XKR8: variants seen among roughly 807,000 people sequenced by gnomAD.
The protein encoded by XKR8 is XK related 8.
XKR8 carries 10 observed loss-of-function variants against 17.1 expected under a neutral mutation model. The observed-to-expected ratio is 0.59, with a 90% CI of 0.36 to 0.99. The LOEUF (loss-of-function observed/expected upper bound fraction) is 0.99, where lower values mean the gene tolerates loss of function less well. Ranked by LOEUF, XKR8 falls within the 50% of genes least tolerant of loss-of-function variation. The pLI is 0.01. For synonymous variants in XKR8, 213 were observed against 251.9 expected, an observed-to-expected ratio of 0.85 and a Z score of 1.46; for missense variants, 411 against 515.6, an observed-to-expected ratio of 0.80 and a Z score of 1.96.
intron 1 of XKR8, among the ~76,000 whole-genome samples, chr1:27,963,006 G>A (rs932540155): frequency 6.6e-6 from 1 of 152,136 alleles, no homozygotes; most frequent in Non-Finnish European, 1.5e-5. Flanking sequence ...GGAGTAGAAG[G>A]TGTATTGATC....
rs746237790 is a variant in XKR8, at chr1:27,966,915, C to T, written c.903C>T (p.Ala301=). The T allele has an allele frequency of 6.2e-7, 1 of 1,614,206 alleles. No individual in the cohort carries two copies. Among genetic ancestry groups the T allele is most frequent in the Non-Finnish European group, 8.5e-7 (1 of 1,180,038 alleles). ...FLLSDSILLV[A]TWVTHSSWLP... ...TGAGTGACAGCATTCTCCTGGTGGC[C>T]ACCTGGGTGACTCATAGCTCCTGGC... Residue 301 remains alanine, a synonymous_variant, in exon 3 of 3, where the codon GCC becomes GCT. Transcript: ENST00000373884. This position sits in a 1 kb window ranked among gnomAD's most constrained non-coding sequence, Gnocchi z 4.3.
At chr1:27,963,928 G>A (rs1442118411) in intron 2 of XKR8, among the ~76,000 whole-genome samples, 1 of 152,128 alleles carries the variant, frequency 6.6e-6, no homozygotes, top group Non-Finnish European at 1.5e-5. Flanking sequence ...AAATCCTCCT[G>A]CCTCATAAGG....
intron 1 of XKR8, among the ~76,000 whole-genome samples, chr1:27,962,117 T>C (rs758373144): frequency 6.6e-6 from 1 of 152,188 alleles, no homozygotes; most frequent in African/African-American, 2.4e-5. Context: ...AAGAGGCAAA[T>C]GTCCTCTTGC....
At position 27,966,196 on chromosome 1, in the gene XKR8, G is replaced by C. The variant is rs959785018; in HGVS notation, c.491-307G>C. On this transcript the variant is annotated intron_variant, in intron 2 of 2. Transcript: ENST00000373884. The surrounding 1 kb of genome is among the most constrained non-coding windows in gnomAD (Gnocchi z 4.3). ...GGAAGATGCCCAGGATGCAGCCAAG[G>C]CCCAGGGGTGCTGAGTGCTGGGTGG... Among the ~76,000 whole-genome samples, 3 of 152,132 alleles carry C rather than the reference G, an allele frequency of 2.0e-5. No homozygotes were observed. The highest frequency in any genetic ancestry group is 7.2e-5 in the African/African-American group (3 of 41,420).
In XKR8 at chr1:27,963,541, A is replaced by G. The variant is rs769471394; in HGVS notation, c.338A>G (p.Glu113Gly). 1 of 1,613,670 alleles carries G rather than the reference A, an allele frequency of 6.2e-7. No individual in the cohort carries two copies. The highest frequency in any genetic ancestry group is 8.5e-7 in the Non-Finnish European group (1 of 1,179,782). ...LRQGLLVWQQ[E>G]EPSEFDLAYA... ...CAGGGGCTGCTGGTGTGGCAGCAGG[A>G]GGAGCCCTCTGAGTTTGACTTGGCC... Residue 113 changes from glutamate to glycine, a missense_variant, in exon 2 of 3, where the codon GAG (glutamate) becomes GGG (glycine). Physicochemically the swap from Glu to Gly is moderately conservative, Grantham distance 98 (BLOSUM62 -2). Transcript: ENST00000373884.
rs1448695716 is a variant in XKR8, at chr1:27,967,763, C to G, written c.*563C>G. ...GCTACCAGCCTAGCTTCATCCGCTA[C>G]TTGCACCAACCAGTCCCGGGTTAGA... On this transcript the variant is annotated 3_prime_UTR_variant, in exon 3 of 3. Coordinates refer to ENST00000373884, the MANE Select transcript of XKR8 (RefSeq NM_018053.4). This position sits in a 1 kb window ranked among gnomAD's most constrained non-coding sequence, Gnocchi z 4.3. The G allele has an allele frequency of 6.6e-6, 1 of 152,592 alleles. No homozygotes were observed. Among genetic ancestry groups the G allele is most frequent in the Non-Finnish European group, 1.5e-5 (1 of 68,144 alleles). The allele number at this position is 152,592 out of a possible 1,614,324, so 9.5% of individuals were successfully genotyped here.
rs1459211523 is a variant in XKR8, at chr1:27,960,163, TG to T, written c.97del (p.Ala33ProfsTer169). 1 of 1,527,794 alleles carries T rather than the reference TG, an allele frequency of 6.5e-7. No homozygotes were observed. Among genetic ancestry groups the T allele is most frequent in the South Asian group, 1.2e-5 (1 of 82,908 alleles). The allele number at this position is 1,527,794 out of a possible 1,614,324, so 94.6% of individuals were successfully genotyped here. A position where few individuals can be genotyped will look rare whatever the true frequency, so the allele number is the denominator to read the frequency against. On this transcript the variant is annotated frameshift_variant, in exon 1 of 3. Transcript: ENST00000373884. LOFTEE classifies it high-confidence loss of function. This position sits in a 1 kb window ranked among gnomAD's most constrained non-coding sequence, Gnocchi z 5.9. ...CCTGCTCGACCTGGGCACCGACCTGTGGGCCGCCGTCCAGTATGCGCTCGGC... is the reference window on the plus strand; with the variant it reads ...CCTGCTCGACCTGGGCACCGACCTGTGGCCGCCGTCCAGTATGCGCTCGGC... The part of the protein sequence containing the change: ...AFLLDLGTDL[W>X]AAVQYALGGR...
In XKR8 at chr1:27,960,483, G is replaced by C; in HGVS notation, c.293+121G>C. On this transcript the variant is annotated intron_variant, in intron 1 of 2. Coordinates refer to ENST00000373884, the MANE Select transcript of XKR8 (RefSeq NM_018053.4). The surrounding 1 kb of genome is among the most constrained non-coding windows in gnomAD (Gnocchi z 5.9). ...GGACTGGGAGAGGGAACCAAGTCCT[G>C]TGGGCGCCTGGCCTACAGGTGAGCG... 1 of 1,046,906 alleles carries C rather than the reference G, an allele frequency of 9.6e-7. No homozygotes were observed. The highest frequency in any genetic ancestry group is 1.3e-6 in the Non-Finnish European group (1 of 791,886). 64.9% of individuals were successfully genotyped at this position (1,046,906 alleles called of 1,614,324 possible). A position where few individuals can be genotyped will look rare whatever the true frequency, so the allele number is the denominator to read the frequency against.
In XKR8 at chr1:27,967,485, T is replaced by G. The variant is rs1638601129; in HGVS notation, c.*285T>G. The G allele has an allele frequency of 4.0e-6, 1 of 248,210 alleles. No individual in the cohort carries two copies. The highest frequency in any genetic ancestry group is 7.8e-6 in the Non-Finnish European group (1 of 128,836). 15.4% of individuals were successfully genotyped at this position (248,210 alleles called of 1,614,324 possible). On this transcript the variant is annotated 3_prime_UTR_variant, in exon 3 of 3. Transcript: ENST00000373884. This position sits in a 1 kb window ranked among gnomAD's most constrained non-coding sequence, Gnocchi z 4.3. ...CTTTGGGAGGAAAGAAGACTACCTT[T>G]TCCCCCTGCCATTGGTATAGCTGGT...
chr1:27,960,313 C>T lies in XKR8; in HGVS notation c.244C>T (p.Arg82Cys), dbSNP rs1400526873. 7.7e-6 allele frequency: 11 copies of T among 1,433,184 alleles called. No individual in the cohort carries two copies. In the Admixed American group the frequency reaches 1.2e-4, roughly 15 times the overall value. 88.8% of individuals were successfully genotyped at this position (1,433,184 alleles called of 1,614,324 possible). A position where few individuals can be genotyped will look rare whatever the true frequency, so the allele number is the denominator to read the frequency against. Residue 82 changes from arginine (R) to cysteine (C), a missense_variant, in exon 1 of 3, where the codon CGC (arginine) becomes TGC (cysteine). Arg to Cys is a radical substitution (Grantham distance 180). Coordinates refer to ENST00000373884, the MANE Select transcript of XKR8 (RefSeq NM_018053.4). This position sits in a 1 kb window ranked among gnomAD's most constrained non-coding sequence, Gnocchi z 5.9. ...PAGLHGSQPP[R>C]RCLALLHLLQ... is the part of the protein sequence containing the mutation. ...CGGCCTGCACGGGTCGCAGCCCCCG[C>T]GCCGCTGCCTGGCGCTGCTGCATCT...
rs1039568931 is a variant in XKR8 at position 27,966,285 on chromosome 1, G to A, written c.491-218G>A. ...CCGGATAGCACCTACGCAGCAAAGC[G>A]CTGTGGTGAGGGGCAGGCTCTATAT... On this transcript the variant is annotated intron_variant, in intron 2 of 2. Transcript: ENST00000373884. The surrounding 1 kb of genome is among the most constrained non-coding windows in gnomAD (Gnocchi z 4.3). Among the ~76,000 whole-genome samples the A allele has an allele frequency of 3.9e-5, 6 of 152,156 alleles. No individual in the cohort carries two copies. Among genetic ancestry groups the A allele is most frequent in the African/African-American group, 1.2e-4 (5 of 41,426 alleles).
Position 27,966,299 on chromosome 1 carries a change from C to T in XKR8, c.491-204C>T, listed in dbSNP as rs574698009. Among the ~76,000 whole-genome samples, 3 of 152,274 alleles carry T rather than the reference C, an allele frequency of 2.0e-5. No individual in the cohort carries two copies. The South Asian group carries it at 6.2e-4, about 32-fold the overall frequency. ...CGCAGCAAAGCGCTGTGGTGAGGGG[C>T]AGGCTCTATATTAGGAGTCATAGCT... On this transcript the variant is annotated intron_variant, in intron 2 of 2. Transcript: ENST00000373884. The surrounding 1 kb of genome is among the most constrained non-coding windows in gnomAD (Gnocchi z 4.3).
chr1:27,967,152 G>T lies in XKR8; in HGVS notation c.1140G>T (p.Lys380Asn). The change falls in exon 3 of 3, where the codon AAG (lysine) becomes AAT (asparagine). Residue 380 changes from lysine (K) to asparagine (N), a missense_variant. Transcript: ENST00000373884. The surrounding 1 kb of genome is among the most constrained non-coding windows in gnomAD (Gnocchi z 4.3). Reference sequence around the variant, plus strand: ...GGCGCATGACCCATTTAGCACAGAAGTTTTTCCCCAAGGCTAAGGATGAGG... The same window carrying T: ...GGCGCATGACCCATTTAGCACAGAATTTTTTCCCCAAGGCTAAGGATGAGG... ...QNRRMTHLAQKFFPKAKDEAA... is the reference protein window; with the variant it reads ...QNRRMTHLAQNFFPKAKDEAA... The T allele has an allele frequency of 6.3e-7, 1 of 1,589,120 alleles. No individual in the cohort carries two copies. Among genetic ancestry groups the T allele is most frequent in the Non-Finnish European group, 8.6e-7 (1 of 1,165,720 alleles).
Position 27,965,847 on chromosome 1 carries a change from C to T in XKR8, c.491-656C>T, listed in dbSNP as rs1398138788. ...GCCACTTCCATCCCTCCCTGGAGGC[C>T]CTTGTGCTTCTGCTCCAGGATTGGC... On this transcript the variant is annotated intron_variant, in intron 2 of 2. Coordinates refer to ENST00000373884, the MANE Select transcript of XKR8 (RefSeq NM_018053.4). This position sits in a 1 kb window ranked among gnomAD's most constrained non-coding sequence, Gnocchi z 4.1. Among the ~76,000 whole-genome samples, 1 of 152,098 alleles carries T rather than the reference C, an allele frequency of 6.6e-6. No individual in the cohort carries two copies. The highest frequency in any genetic ancestry group is 1.5e-5 in the Non-Finnish European group (1 of 68,016).
intron 1 of XKR8, among the ~76,000 whole-genome samples, chr1:27,961,753 G>C (rs1220361791): frequency 1.3e-5 from 2 of 152,204 alleles, no homozygotes; most frequent in African/African-American, 4.8e-5. Flanking sequence ...TGTCCTGCCT[G>C]CCTGCTCCTC....
Position 27,967,237 on chromosome 1 carries a change from C to T in XKR8, c.*37C>T. ...CCTTTGAAGCAGGATCAGACCCAGC[C>T]AGCAGAGATGGAGAGTGACTCTGTT... On this transcript the variant is annotated 3_prime_UTR_variant, in exon 3 of 3. Coordinates refer to ENST00000373884, the MANE Select transcript of XKR8 (RefSeq NM_018053.4). The surrounding 1 kb of genome is among the most constrained non-coding windows in gnomAD (Gnocchi z 4.3). The T allele has an allele frequency of 4.0e-6, 6 of 1,518,084 alleles. No individual in the cohort carries two copies. Among genetic ancestry groups the T allele is most frequent in the Non-Finnish European group, 5.3e-6 (6 of 1,133,428 alleles). 94.0% of individuals were successfully genotyped at this position (1,518,084 alleles called of 1,614,324 possible).
chr1:27,960,452 G>C lies in XKR8; in HGVS notation c.293+90G>C. On this transcript the variant is annotated intron_variant, in intron 1 of 2. Coordinates refer to ENST00000373884, the MANE Select transcript of XKR8 (RefSeq NM_018053.4). This position sits in a 1 kb window ranked among gnomAD's most constrained non-coding sequence, Gnocchi z 5.9. ...TGTACAGGTGACACGCCATATGCCG[G>C]GAAGGGGACTGGGAGAGGGAACCAA... 3.1e-6 allele frequency: 4 copies of C among 1,272,062 alleles called. No homozygotes were observed. Among genetic ancestry groups the C allele is most frequent in the Non-Finnish European group, 4.0e-6 (4 of 994,686 alleles). The allele number at this position is 1,272,062 out of a possible 1,614,324, so 78.8% of individuals were successfully genotyped here.
In XKR8 at chr1:27,966,831, G is replaced by A. The variant is rs1638583084; in HGVS notation, c.819G>A (p.Trp273Ter). The A allele has an allele frequency of 6.2e-7, 1 of 1,613,814 alleles. No individual in the cohort carries two copies. The change falls in exon 3 of 3, where the codon TGG becomes TGA. Residue 273 changes from tryptophan to a stop codon, truncating the protein, a stop_gained. Coordinates refer to ENST00000373884, the MANE Select transcript of XKR8 (RefSeq NM_018053.4). LOFTEE classifies it low-confidence loss of function (END_TRUNC). This position sits in a 1 kb window ranked among gnomAD's most constrained non-coding sequence, Gnocchi z 4.3. ...TGGCCACCATCCTCTATTTCTCCTG[G>A]TTCAACGTGGCTGAGGGCCGCACCC... ...VTVATILYFS[W>*]FNVAEGRTRG... is the part of the protein sequence containing the mutation.
In XKR8 at chr1:27,967,447, T is replaced by A. The variant is rs1638600205; in HGVS notation, c.*247T>A. On this transcript the variant is annotated 3_prime_UTR_variant, in exon 3 of 3. Coordinates refer to ENST00000373884, the MANE Select transcript of XKR8 (RefSeq NM_018053.4). The surrounding 1 kb of genome is among the most constrained non-coding windows in gnomAD (Gnocchi z 4.3). Reference sequence around the variant, plus strand: ...GCCCTGGAGGGTCAAGAGCCCCAATTATGTACAAGACACTTTGGGAGGAAA... The same window carrying A: ...GCCCTGGAGGGTCAAGAGCCCCAATAATGTACAAGACACTTTGGGAGGAAA... The A allele has an allele frequency of 7.9e-6, 3 of 378,688 alleles. No individual in the cohort carries two copies. Among genetic ancestry groups the A allele is most frequent in the Non-Finnish European group, 1.4e-5 (3 of 210,162 alleles). 23.5% of individuals were successfully genotyped at this position (378,688 alleles called of 1,614,324 possible).
Sources: allele counts gnomAD v4.1 joint callset (sites outside exome capture counted in the v4.1 genomes callset), GRCh38; gene constraint gnomAD v4.1.1; non-coding constraint Gnocchi (gnomAD v3.1); transcripts MANE v1.5; gene names NCBI Gene and HGNC (gene_info 2026-07-23, HGNC 2026-07-21).